FAM13B: variants seen among roughly 807,000 people sequenced by gnomAD.
FAM13B encodes the protein family with sequence similarity 13 member B.
In FAM13B, 60 loss-of-function variants were observed where a neutral mutation model predicts 117.3. The observed-to-expected ratio is 0.51, with a 90% CI of 0.42 to 0.63. The LOEUF (loss-of-function observed/expected upper bound fraction) is 0.63. Among genes scored for constraint, FAM13B ranks in the 30% least tolerant of loss-of-function variants. The pLI is 0.00. For synonymous variants in FAM13B, 332 were observed against 356.1 expected (o/e 0.93, Z 0.76); for missense variants, 972 against 1,091.9 (o/e 0.89, Z 1.55).
chr5:138,027,747 T>C (rs1167714252), intron 1 of FAM13B, among the ~76,000 whole-genome samples: 1 of 152,242 alleles, frequency 6.6e-6, no homozygotes, highest in Non-Finnish European at 1.5e-5. Flanking sequence ...AAATCTCATC[T>C]AGAATTGTAA....
At chr5:137,950,109 C>T (rs1764543054) in intron 17 of FAM13B, among the ~76,000 whole-genome samples, 1 of 152,090 alleles carries the variant, frequency 6.6e-6, no homozygotes, top group Non-Finnish European at 1.5e-5. Context: ...TCTTGTGGAG[C>T]ATATATTCAG....
chr5:138,004,365 G>C (rs915993069), intron 7 of FAM13B, among the ~76,000 whole-genome samples: 11 of 152,132 alleles, frequency 7.2e-5, no homozygotes, highest in Non-Finnish European at 1.3e-4. Flanking sequence ...TCGAAGAGAA[G>C]CTATTAGTAA....
At chr5:138,034,771 A>T, upstream of FAM13B, among the ~76,000 whole-genome samples, 1 of 152,102 alleles carries the variant, frequency 6.6e-6, no homozygotes, top group East Asian at 1.9e-4. Flanking sequence ...TGAAAGCTTT[A>T]CCTGTGATTC....
At chr5:138,007,760 A>G (rs902067748) in intron 6 of FAM13B, among the ~76,000 whole-genome samples, 1 of 152,256 alleles carries the variant, frequency 6.6e-6, no homozygotes, top group Non-Finnish European at 1.5e-5. Context: ...AATGTCCTCC[A>G]TTATGAAACT....
chr5:138,038,643 T>C (rs1193443764), intron 1 of FAM13B: 8 of 152,230 alleles, frequency 5.3e-5, no homozygotes, highest in Non-Finnish European at 1.2e-4. Context: ...AGGACCATTG[T>C]GCCAGTGTGC....
upstream of FAM13B, chr5:138,036,275 A>T (rs902195303): frequency 5.3e-6 from 2 of 378,630 alleles, no homozygotes; most frequent in African/African-American, 4.2e-5. Flanking sequence ...TGGACGAAGG[A>T]GAGCTTTTTT....
chr5:137,982,545 A>C (rs12513858), intron 10 of FAM13B, among the ~76,000 whole-genome samples: 125 of 151,898 alleles, frequency 8.2e-4, no homozygotes, highest in Admixed American at 2.3e-3. Flanking sequence ...CAACAACAAC[A>C]ACCTTCATTC....
Position 137,959,745 on chromosome 5 carries a change from A to G in FAM13B, c.1312T>C (p.Cys438Arg), listed in dbSNP as rs902882417. ...HLILDSSSKI[C>R]DLNANTESEV... ...GATTCAGTGTTGGCATTCAAATCACATATCTTGCTACTAGAATCCTGTATT... is the reference window on the plus strand; with the variant it reads ...GATTCAGTGTTGGCATTCAAATCACGTATCTTGCTACTAGAATCCTGTATT... The change falls in exon 13 of 24, where the codon TGT (cysteine) becomes CGT (arginine). Residue 438 changes from cysteine (C) to arginine (R), a missense_variant. Transcript: ENST00000689681. 1.4e-5 allele frequency: 23 copies of G among 1,613,582 alleles called. No homozygotes were observed. Among genetic ancestry groups the G allele is most frequent in the Middle Eastern group, 1.6e-4 (1 of 6,082 alleles).
chr5:137,950,292 T>C (rs1764593328), intron 17 of FAM13B, among the ~76,000 whole-genome samples: 1 of 152,214 alleles, frequency 6.6e-6, no homozygotes, highest in East Asian at 1.9e-4. Flanking sequence ...ATCATCCTGG[T>C]AGAATACGGA....
intron 1 of FAM13B, among the ~76,000 whole-genome samples, chr5:138,026,973 A>G (rs982186479): frequency 1.3e-5 from 2 of 150,714 alleles, no homozygotes; most frequent in Admixed American, 1.3e-4. Context: ...AAATAAATAA[A>G]TAAATAAATA....
rs1328241436 is a variant in FAM13B at position 137,938,347 on chromosome 5, T to C, written c.*1878A>G. ...TATATTATTTAAAACATTTAAATAG[T>C]GCATATGGACATTTTTGCATGTGGT... On this transcript the variant is annotated 3_prime_UTR_variant, in exon 24 of 24. Transcript: ENST00000689681. 6.6e-6 allele frequency: 1 copy of C among 152,628 alleles called. No homozygotes were observed. The highest frequency in any genetic ancestry group is 1.9e-4 in the East Asian group (1 of 5,200). 9.5% of individuals were successfully genotyped at this position (152,628 alleles called of 1,614,324 possible). A position where few individuals can be genotyped will look rare whatever the true frequency, so the allele number is the denominator to read the frequency against.
intron 6 of FAM13B, among the ~76,000 whole-genome samples, chr5:138,007,732 T>C (rs1361685818): frequency 1.3e-5 from 2 of 152,236 alleles, no homozygotes; most frequent in East Asian, 3.8e-4. Flanking sequence ...ATAATTATCT[T>C]GCTAGCAGGA....
intron 1 of FAM13B, among the ~76,000 whole-genome samples, chr5:138,024,300 T>TACACAGAGAC (rs763942822): frequency 6.6e-6 from 1 of 151,872 alleles, no homozygotes; most frequent in Non-Finnish European, 1.5e-5. Context: ...GAGGACAAGA[T>TACACAGAGAC]ACACAGAGAC....
At chr5:137,987,873 C>G (rs182411183) in intron 8 of FAM13B, among the ~76,000 whole-genome samples, 3 of 152,062 alleles carry the variant, frequency 2.0e-5, no homozygotes, top group Non-Finnish European at 4.4e-5. Context: ...ATCAGTTGTC[C>G]CTATAATTCA....
At chr5:137,978,234 GA>G (rs1438533920) in intron 10 of FAM13B, among the ~76,000 whole-genome samples, 3 of 151,240 alleles carry the variant, frequency 2.0e-5, no homozygotes, top group South Asian at 2.1e-4. Flanking sequence ...TTCCGATGAA[GA>G]AACCCCCAGT....
intron 17 of FAM13B, among the ~76,000 whole-genome samples, chr5:137,949,798 CA>C (rs67597641): frequency 0.95 from 124,173 of 130,246 alleles, 59,222 homozygotes; most frequent in East Asian, 0.99. Context: ...GACTCTGTCT[CA>C]AAAAAAAAAA....
intron 7 of FAM13B, among the ~76,000 whole-genome samples, chr5:137,993,610 G>T (rs1264584132): frequency 1.3e-5 from 2 of 151,220 alleles, no homozygotes; most frequent in Non-Finnish European, 2.9e-5. Context: ...ATGAAACCTC[G>T]TATCTACTAA....
intron 1 of FAM13B, among the ~76,000 whole-genome samples, chr5:138,030,083 T>C (rs749519251): frequency 3.3e-5 from 5 of 152,196 alleles, no homozygotes; most frequent in Non-Finnish European, 7.3e-5. Context: ...CTTTTATACT[T>C]GCTAGTTCAC....
chr5:137,955,981 A>G (rs1206612376), intron 14 of FAM13B, among the ~76,000 whole-genome samples: 3 of 152,156 alleles, frequency 2.0e-5, no homozygotes. Context: ...ATTGGCTATT[A>G]GCAATAGCGA....
Sources: allele counts gnomAD v4.1 joint callset (sites outside exome capture counted in the v4.1 genomes callset), GRCh38; gene constraint gnomAD v4.1.1; transcripts MANE v1.5; gene names NCBI Gene and HGNC (gene_info 2026-07-23, HGNC 2026-07-21).